Variants in SLC24A4 observed in about 807,000 individuals in gnomAD.
SLC24A4 encodes sodium/potassium/calcium exchanger 4.
Under a neutral mutation model 79.0 loss-of-function variants are expected in SLC24A4, and 53 were observed. That is an observed-to-expected ratio of 0.67 (90% CI 0.54 to 0.84). The LOEUF (loss-of-function observed/expected upper bound fraction) is 0.84, where lower values mean the gene tolerates loss of function less well. Ranked by LOEUF, SLC24A4 falls within the 40% of genes least tolerant of loss-of-function variation. The pLI is 0.00. For missense variants in SLC24A4, 731 were observed against 822.0 expected (o/e 0.89, Z 1.35); for synonymous variants, 323 against 323.8 (o/e 1.00, Z 0.03).
At chr14:92,417,525 A>G (rs1891045570) in intron 2 of SLC24A4, among the ~76,000 whole-genome samples, 1 of 150,216 alleles carries the variant, frequency 6.7e-6, no homozygotes, top group African/African-American at 2.5e-5. Context: ...TATTTTTAAA[A>G]TTAGTGTAGC....
Position 92,493,586 on chromosome 14 carries a change from C to G in SLC24A4, c.1827C>G (p.Val609=), listed in dbSNP as rs759528086. Residue 609 remains valine (V), a synonymous_variant, in exon 17 of 17, where the codon GTC becomes GTG. Transcript: ENST00000532405. ...LCFSIMIEFN[V]FTFVNLPMCR... ...TCTCCATAATGATAGAGTTTAACGT[C>G]TTTACCTTCGTCAACTTGCCGATGT... 2 of 1,614,208 alleles carry G rather than the reference C, an allele frequency of 1.2e-6. No homozygotes were observed.
intron 2 of SLC24A4, among the ~76,000 whole-genome samples, chr14:92,374,065 C>T (rs1369714914): frequency 2.6e-5 from 4 of 152,204 alleles, no homozygotes; most frequent in South Asian, 2.1e-4. Context: ...TTATTGCACC[C>T]GTTTACCTTG....
At position 92,400,268 on chromosome 14, in the gene SLC24A4, G is replaced by A. The variant is rs145584406; in HGVS notation, c.242-33644G>A. On this transcript the variant is annotated intron_variant, in intron 2 of 16. Coordinates refer to ENST00000532405, the MANE Select transcript of SLC24A4 (RefSeq NM_153646.4). ...ATCCAGGCCAACATGGTGAAACCCC[G>A]TCTCTACTAAAAATACAAAAACTAG... 6.0e-3 allele frequency among the ~76,000 whole-genome samples: 917 copies of A among 151,974 alleles called. 8 individuals carry two copies. The highest frequency in any genetic ancestry group is 0.02 in the African/African-American group (816 of 41,472).
intron 2 of SLC24A4, among the ~76,000 whole-genome samples, chr14:92,366,271 G>A (rs146219341): frequency 3.9e-5 from 6 of 152,320 alleles, no homozygotes; most frequent in Middle Eastern, 3.4e-3. Context: ...TTCAGGGGGC[G>A]TGGTCCTGCT....
At chr14:92,474,863 A>ATG (rs36185636) in intron 12 of SLC24A4, among the ~76,000 whole-genome samples, 1 of 57,144 alleles carries the variant, frequency 1.7e-5, no homozygotes, top group Non-Finnish European at 3.4e-5. Flanking sequence ...ATATATATAT[A>ATG]TTTTTTTTTT....
intron 2 of SLC24A4, among the ~76,000 whole-genome samples, chr14:92,354,432 T>G (rs1595154779): frequency 6.6e-6 from 1 of 152,086 alleles, no homozygotes; most frequent in Non-Finnish European, 1.5e-5. Context: ...ATTACAGGTG[T>G]GAGCCACCAT....
intron 14 of SLC24A4, among the ~76,000 whole-genome samples, chr14:92,487,951 ATG>A (rs1895460144): frequency 6.6e-6 from 1 of 150,994 alleles, no homozygotes; most frequent in South Asian, 2.1e-4. Context: ...TTCCCTTGGT[ATG>A]TCTGTGTCGA....
chr14:92,465,649 G>GCTTC (rs1308341414), intron 12 of SLC24A4, among the ~76,000 whole-genome samples: 2 of 152,150 alleles, frequency 1.3e-5, no homozygotes, highest in African/African-American at 2.4e-5. Flanking sequence ...GAGGGCAGCT[G>GCTTC]CTTCAGCGAG....
chr14:92,455,466 A>G (rs1893401209), intron 11 of SLC24A4, among the ~76,000 whole-genome samples: 1 of 152,248 alleles, frequency 6.6e-6, no homozygotes, highest in Admixed American at 6.5e-5. Context: ...AGCTGGGTGA[A>G]TCTCATGGCT....
chr14:92,427,262 A>C (rs1443430916), intron 2 of SLC24A4, among the ~76,000 whole-genome samples: 1 of 152,228 alleles, frequency 6.6e-6, no homozygotes, highest in Admixed American at 6.5e-5. Flanking sequence ...CCCGAAGTAC[A>C]TTCACTCCAT....
chr14:92,344,201 G>A (rs1490201276), intron 2 of SLC24A4, among the ~76,000 whole-genome samples: 4 of 152,234 alleles, frequency 2.6e-5, no homozygotes, highest in Admixed American at 6.5e-5. Context: ...TTTAAAAGCT[G>A]TGTGTTTCTG....
chr14:92,430,295 G>A (rs1891794834), intron 2 of SLC24A4, among the ~76,000 whole-genome samples: 1 of 152,200 alleles, frequency 6.6e-6, no homozygotes, highest in South Asian at 2.1e-4. Flanking sequence ...ACATGCTGTT[G>A]AATAAATCCA....
At chr14:92,478,730 T>C (rs1344038830) in intron 12 of SLC24A4, among the ~76,000 whole-genome samples, 5 of 152,110 alleles carry the variant, frequency 3.3e-5, no homozygotes, top group African/African-American at 1.2e-4. Flanking sequence ...AGCTTGTCAG[T>C]TTCTGCTCAG....
chr14:92,439,132 G>A (rs1480425081), intron 3 of SLC24A4, among the ~76,000 whole-genome samples: 2 of 152,188 alleles, frequency 1.3e-5, no homozygotes, highest in African/African-American at 4.8e-5. Context: ...TGCTCAGCAT[G>A]TTATCTCCTC....
At chr14:92,358,478 C>G (rs952734459) in intron 2 of SLC24A4, among the ~76,000 whole-genome samples, 7 of 152,068 alleles carry the variant, frequency 4.6e-5, no homozygotes, top group African/African-American at 1.7e-4. Flanking sequence ...ACCGCTCACT[C>G]CGCTTGTCCG....
chr14:92,362,373 C>A (rs567946024), intron 2 of SLC24A4, among the ~76,000 whole-genome samples: 1 of 152,324 alleles, frequency 6.6e-6, no homozygotes, highest in Non-Finnish European at 1.5e-5. Flanking sequence ...CCCTCTCTCA[C>A]CCCGCCCTTC....
chr14:92,325,954 AC>A lies in SLC24A4; in HGVS notation c.218del (p.Thr73LysfsTer44). ...KLMAPVNGTQ[T>X]AKNCTDPAIH... ...GATGGCCCCAGTGAATGGGACACAG[AC>A]AGCCAAGAACTGCACAGATCCTGGT... is the stretch of plus-strand genomic sequence containing the variant. On this transcript the variant is annotated frameshift_variant, in exon 2 of 17. Transcript: ENST00000532405. LOFTEE classifies it high-confidence loss of function. 6.2e-7 allele frequency: 1 copy of A among 1,611,240 alleles called. No homozygotes were observed. The highest frequency in any genetic ancestry group is 8.5e-7 in the Non-Finnish European group (1 of 1,177,960).
intron 13 of SLC24A4, 82 bp downstream of exon 13, chr14:92,482,928 T>C: frequency 7.1e-7 from 1 of 1,402,218 alleles, no homozygotes; most frequent in South Asian, 1.4e-5. Flanking sequence ...CCACAGGTAC[T>C]GCTGTGCCAC....
At chr14:92,491,804 G>A in intron 15 of SLC24A4, 27 bp downstream of exon 15, 1 of 1,560,190 alleles carries the variant, frequency 6.4e-7, no homozygotes, top group Non-Finnish European at 8.8e-7. Flanking sequence ...TTTAACAGAT[G>A]TGTTTTACCC....
Sources: gnomAD v4.1 joint callset for allele counts (sites outside exome capture counted in the v4.1 genomes callset) on GRCh38, gnomAD v4.1.1 for gene constraint, MANE v1.5 for transcripts, NCBI Gene and HGNC (gene_info 2026-07-23, HGNC 2026-07-21) for gene names.